ASTN2: variants seen among roughly 807,000 people sequenced by gnomAD.
ASTN2 encodes astrotactin-2.
ASTN2 carries 54 observed loss-of-function variants against 139.8 expected under a neutral mutation model. That is an observed-to-expected ratio of 0.39 (90% confidence interval 0.31 to 0.48). The LOEUF (loss-of-function observed/expected upper bound fraction) is 0.48. Among genes scored for constraint, ASTN2 ranks in the 20% least tolerant of loss-of-function variants. The pLI is 0.95. For synonymous variants in ASTN2, 756 were observed against 719.5 expected, an observed-to-expected ratio of 1.05 and a Z score of -0.81; for missense variants, 1,565 against 1,725.1, an observed-to-expected ratio of 0.91 and a Z score of 1.64.
At chr9:117,096,798 C>T (rs1315418749) in intron 4 of ASTN2, among the ~76,000 whole-genome samples, 2 of 151,952 alleles carry the variant, frequency 1.3e-5, no homozygotes, top group African/African-American at 2.4e-5. Flanking sequence ...TATGCAGGAG[C>T]GAAGATTTAA....
intron 19 of ASTN2, among the ~76,000 whole-genome samples, chr9:116,590,570 T>A (rs1365953625): frequency 6.6e-6 from 1 of 152,052 alleles, no homozygotes; most frequent in Non-Finnish European, 1.5e-5. Context: ...GTTTCCTGTG[T>A]GGAAAGGGGC....
chr9:116,876,227 G>A (rs1290610696), intron 10 of ASTN2, among the ~76,000 whole-genome samples: 3 of 152,166 alleles, frequency 2.0e-5, no homozygotes, highest in Admixed American at 6.5e-5. Context: ...TTCAGTGGAG[G>A]TAATAATTAC....
At chr9:116,542,218 A>C (rs1851904758) in intron 19 of ASTN2, among the ~76,000 whole-genome samples, 1 of 152,246 alleles carries the variant, frequency 6.6e-6, no homozygotes, top group Non-Finnish European at 1.5e-5. Context: ...CTTTTCTTAG[A>C]ATAAGCAAAT....
intron 16 of ASTN2, among the ~76,000 whole-genome samples, chr9:116,674,147 C>T (rs1298982866): frequency 6.6e-6 from 1 of 152,182 alleles, no homozygotes; most frequent in African/African-American, 2.4e-5. Flanking sequence ...CTGGAGGTTA[C>T]AAGATGCTGA....
At chr9:117,355,642 C>T (rs541715438) in intron 1 of ASTN2, among the ~76,000 whole-genome samples, 6 of 152,208 alleles carry the variant, frequency 3.9e-5, no homozygotes, top group African/African-American at 9.6e-5. Flanking sequence ...GTACCAGAGC[C>T]GGATGGGGAG....
intron 13 of ASTN2, among the ~76,000 whole-genome samples, chr9:116,801,061 A>C (rs1830833090): frequency 6.6e-6 from 1 of 152,128 alleles, no homozygotes; most frequent in Non-Finnish European, 1.5e-5. Context: ...TAGGCCAGCC[A>C]ATTGTCAGGA....
intron 13 of ASTN2, among the ~76,000 whole-genome samples, chr9:116,801,587 A>C (rs75544702): frequency 8.9e-5 from 1 of 11,214 alleles, no homozygotes; most frequent in Non-Finnish European, 1.7e-4. Flanking sequence ...CTCTGTCTCA[A>C]AAAAAAAAAA....
chr9:116,754,600 T>C (rs1311562533), intron 13 of ASTN2, among the ~76,000 whole-genome samples: 2 of 152,200 alleles, frequency 1.3e-5, no homozygotes, highest in African/African-American at 4.8e-5. Context: ...CCTTGGGTAT[T>C]ACACTGGCAG....
chr9:116,777,687 G>T (rs138311339), intron 13 of ASTN2, among the ~76,000 whole-genome samples: 4 of 152,236 alleles, frequency 2.6e-5, no homozygotes, highest in Non-Finnish European at 5.9e-5. Context: ...TGATGCTGAT[G>T]TTCCAATCTA....
intron 5 of ASTN2, among the ~76,000 whole-genome samples, chr9:117,042,951 A>G (rs1487435959): frequency 6.6e-6 from 1 of 151,924 alleles, no homozygotes; most frequent in Non-Finnish European, 1.5e-5. Flanking sequence ...GCTCATTGCA[A>G]TTTCCGCCTC....
chr9:116,903,207 G>T (rs1366776215), intron 10 of ASTN2, among the ~76,000 whole-genome samples: 2 of 151,912 alleles, frequency 1.3e-5, no homozygotes, highest in African/African-American at 2.4e-5. Context: ...TCACTCTTAA[G>T]CCCCTGCTGT....
chr9:116,611,499 T>C (rs575419984), intron 19 of ASTN2: 5 of 152,154 alleles, frequency 3.3e-5, no homozygotes, highest in East Asian at 1.9e-4. Flanking sequence ...ATAAATGTCA[T>C]AGCTATCTAG....
At chr9:117,066,766 G>A (rs940607341) in intron 5 of ASTN2, among the ~76,000 whole-genome samples, 4 of 152,002 alleles carry the variant, frequency 2.6e-5, no homozygotes, top group Non-Finnish European at 5.9e-5. Flanking sequence ...GTGATGATGA[G>A]CATTTTTTCA....
Position 116,737,463 on chromosome 9 carries a change from G to A in ASTN2, c.2397-3940C>T, listed in dbSNP as rs2132132267. On this transcript the variant is annotated intron_variant, in intron 13 of 22. Transcript: ENST00000313400. Reference sequence around the variant, plus strand: ...ATTCTTAGCGCTCGTGTGTGTGTGTGTGAATGTGTGTGTGTGTGTGTGTGT... The same window carrying A: ...ATTCTTAGCGCTCGTGTGTGTGTGTATGAATGTGTGTGTGTGTGTGTGTGT... 2.0e-5 allele frequency among the ~76,000 whole-genome samples: 2 copies of A among 102,360 alleles called. 1 individual carries two copies. Among genetic ancestry groups the A allele is most frequent in the South Asian group, 6.9e-4 (2 of 2,918 alleles). 67.2% of individuals were successfully genotyped at this position (102,360 alleles called of 152,430 possible).
intron 17 of ASTN2, among the ~76,000 whole-genome samples, chr9:116,643,120 T>G (rs1037348234): frequency 6.3e-4 from 96 of 152,214 alleles, no homozygotes; most frequent in African/African-American, 2.3e-3. Context: ...ACTTCAAATG[T>G]GTTGTAGGGG....
intron 2 of ASTN2, among the ~76,000 whole-genome samples, chr9:117,260,420 G>A (rs1833794166): frequency 6.6e-6 from 1 of 152,146 alleles, no homozygotes; most frequent in African/African-American, 2.4e-5. Context: ...ATTGAGGCAA[G>A]GTCTGAAGCA....
chr9:116,448,205 T>G (rs1848064267), intron 20 of ASTN2, among the ~76,000 whole-genome samples: 1 of 144,922 alleles, frequency 6.9e-6, no homozygotes, highest in Non-Finnish European at 1.5e-5. Flanking sequence ...GAGGCCCCAG[T>G]CTTGTAAAAT....
chr9:116,556,453 C>G (rs144134307), intron 19 of ASTN2, among the ~76,000 whole-genome samples: 4 of 152,240 alleles, frequency 2.6e-5, no homozygotes, highest in African/African-American at 9.6e-5. Flanking sequence ...CAGCCAGACT[C>G]CACTTAATTT....
chr9:117,252,906 C>T lies in ASTN2; in HGVS notation c.631-38164G>A, dbSNP rs754929278. Among the ~76,000 whole-genome samples, 4 of 152,164 alleles carry T rather than the reference C, an allele frequency of 2.6e-5. No homozygotes were observed. In the East Asian group the frequency reaches 7.7e-4, roughly 29 times the overall value. On this transcript the variant is annotated intron_variant, in intron 2 of 22. Transcript: ENST00000313400. ...ACAAGAATGTGCACTTCAGATGGTG[C>T]CTGGCTCTCAGTAAGTGCTATACTA...
Sources: gnomAD v4.1 joint callset for allele counts (sites outside exome capture counted in the v4.1 genomes callset) on GRCh38, gnomAD v4.1.1 for gene constraint, MANE v1.5 for transcripts, NCBI Gene and HGNC (gene_info 2026-07-23, HGNC 2026-07-21) for gene names.